The following SNX8 variants were observed in gnomAD, a reference collection of about 807,000 sequenced individuals.
SNX8 encodes the protein sorting nexin-8.
In SNX8, 25 loss-of-function variants were observed where a neutral mutation model predicts 51.6. That is an observed-to-expected ratio of 0.48 (90% CI 0.35 to 0.68). The LOEUF is 0.68. SNX8 is among the 30% of genes least tolerant of loss of function. The pLI is 0.00. For missense variants in SNX8, 695 were observed against 624.0 expected, an observed-to-expected ratio of 1.11 and a Z score of -1.21; for synonymous variants, 324 against 277.0, an observed-to-expected ratio of 1.17 and a Z score of -1.68.
intron 7 of SNX8, among the ~76,000 whole-genome samples, chr7:2,260,608 G>A (rs999779405): frequency 2.6e-5 from 4 of 152,142 alleles, no homozygotes; most frequent in Non-Finnish European, 5.9e-5. Flanking sequence ...ATAGGTCTGG[G>A]GAGAGTATAA....
At chr7:2,270,801 C>A (rs1795626457) in intron 4 of SNX8, among the ~76,000 whole-genome samples, 1 of 152,136 alleles carries the variant, frequency 6.6e-6, no homozygotes, top group Non-Finnish European at 1.5e-5. Flanking sequence ...GTGAAGTCAG[C>A]CTGGGAGAGG....
intron 5 of SNX8, among the ~76,000 whole-genome samples, chr7:2,267,782 G>C (rs1284534575): frequency 7.6e-6 from 1 of 132,264 alleles, no homozygotes; most frequent in East Asian, 2.3e-4. Flanking sequence ...CATCGTCTGG[G>C]ATGTGAGGAG....
chr7:2,340,090 T>C (rs189131831), intron 1 of SNX8, among the ~76,000 whole-genome samples: 1 of 150,716 alleles, frequency 6.6e-6, no homozygotes, highest in African/African-American at 2.4e-5. Context: ...TGAGACAGAG[T>C]TCCGCTCTTA....
intron 1 of SNX8, among the ~76,000 whole-genome samples, chr7:2,338,504 G>A (rs1276920969): frequency 8.6e-5 from 13 of 151,026 alleles, no homozygotes; most frequent in African/African-American, 2.9e-4. Context: ...GCGTGGTGGC[G>A]CAAGCCTGTA....
At chr7:2,274,485 C>T (rs560454582) in intron 3 of SNX8, among the ~76,000 whole-genome samples, 13 of 152,354 alleles carry the variant, frequency 8.5e-5, no homozygotes, top group Admixed American at 7.2e-4. Flanking sequence ...GAGCTGGCAG[C>T]CGCCATCCCA....
intron 7 of SNX8, among the ~76,000 whole-genome samples, chr7:2,260,104 CT>C (rs1173198490): frequency 1.3e-5 from 2 of 151,106 alleles, no homozygotes; most frequent in South Asian, 2.1e-4. Flanking sequence ...ACAGATTTGG[CT>C]TTTTTTTTGA....
At chr7:2,267,003 G>C (rs1004020554) in intron 5 of SNX8, among the ~76,000 whole-genome samples, 4 of 152,216 alleles carry the variant, frequency 2.6e-5, no homozygotes, top group African/African-American at 4.8e-5. Flanking sequence ...GAAAAGGGCA[G>C]AGGGCACGAG....
At chr7:2,266,386 G>A (rs112280206) in intron 5 of SNX8, among the ~76,000 whole-genome samples, 3,021 of 150,338 alleles carry the variant, frequency 0.02, 38 homozygotes, top group South Asian at 0.043. Context: ...TGTCTCTGTC[G>A]TCCAGGCTGG....
At chr7:2,313,318 G>C (rs1036013444) in intron 1 of SNX8, among the ~76,000 whole-genome samples, 2 of 151,350 alleles carry the variant, frequency 1.3e-5, no homozygotes, top group South Asian at 4.2e-4. Flanking sequence ...CTGAGGTCAG[G>C]AGTTCGAGAC....
intron 5 of SNX8, among the ~76,000 whole-genome samples, chr7:2,268,275 G>A (rs1290593703): frequency 3.7e-5 from 5 of 134,592 alleles, no homozygotes; most frequent in South Asian, 2.5e-4. Flanking sequence ...CGGCCGCCCC[G>A]TCTGAGAAGT....
At chr7:2,353,339 T>C (rs1006325466) in intron 1 of SNX8, among the ~76,000 whole-genome samples, 3 of 152,118 alleles carry the variant, frequency 2.0e-5, no homozygotes, top group African/African-American at 7.2e-5. Context: ...GGCGCTGTGA[T>C]TATGCCACCG....
chr7:2,319,643 G>A (rs974338268), intron 1 of SNX8, among the ~76,000 whole-genome samples: 20 of 152,218 alleles, frequency 1.3e-4, no homozygotes, highest in African/African-American at 3.9e-4. Context: ...GTGAAACCCC[G>A]TCTCTACTAA....
At chr7:2,257,293 A>C in intron 9 of SNX8, 72 bp downstream of exon 9, 1 of 1,512,684 alleles carries the variant, frequency 6.6e-7, no homozygotes, top group Non-Finnish European at 8.9e-7. Flanking sequence ...GCCCACCAGG[A>C]CGGCTCCGGG....
At chr7:2,256,557 TTC>T (rs1322999112) in intron 10 of SNX8, among the ~76,000 whole-genome samples, 4 of 152,214 alleles carry the variant, frequency 2.6e-5, no homozygotes, top group Non-Finnish European at 5.9e-5. Flanking sequence ...GCTAGAAACC[TTC>T]TCTCAGCCGC....
intron 1 of SNX8, among the ~76,000 whole-genome samples, chr7:2,341,815 C>T (rs770365720): frequency 2.6e-5 from 4 of 151,790 alleles, no homozygotes; most frequent in Non-Finnish European, 5.9e-5. Context: ...GGTGAAGCCC[C>T]GTCTCTACTA....
At chr7:2,344,211 G>C (rs1372160365) in intron 1 of SNX8, among the ~76,000 whole-genome samples, 1 of 151,558 alleles carries the variant, frequency 6.6e-6, no homozygotes, top group African/African-American at 2.4e-5. Context: ...AACAAGAAAA[G>C]GAAAATAAAA....
chr7:2,301,969 G>A (rs1227180003), intron 1 of SNX8, among the ~76,000 whole-genome samples: 6 of 152,122 alleles, frequency 3.9e-5, no homozygotes, highest in East Asian at 1.9e-4. Context: ...TCGGCCAGGC[G>A]CGGTGGCTCA....
intron 7 of SNX8, among the ~76,000 whole-genome samples, chr7:2,262,513 G>A (rs542238003): frequency 3.5e-5 from 5 of 142,158 alleles, no homozygotes; most frequent in African/African-American, 1.3e-4. Context: ...GCGGGAGGTG[G>A]GAGCCGCTCA....
At chr7:2,269,664 C>T in intron 4 of SNX8, 25 bp from the exon 5 acceptor site, 3 of 1,536,532 alleles carry the variant, frequency 2.0e-6, no homozygotes, top group South Asian at 2.4e-5. Flanking sequence ...CACACAGCTT[C>T]ACCCTCTTCT....
Sources: allele counts gnomAD v4.1 joint callset (sites outside exome capture counted in the v4.1 genomes callset), GRCh38; gene constraint gnomAD v4.1.1; transcripts MANE v1.5; gene names NCBI Gene and HGNC (gene_info 2026-07-23, HGNC 2026-07-21).